The following FAM227B variants were observed in gnomAD, a reference collection of about 807,000 sequenced individuals.
The protein encoded by FAM227B is protein FAM227B.
In FAM227B, 88 loss-of-function variants were observed where a neutral mutation model predicts 73.8. The observed-to-expected ratio is 1.19, with a 90% CI of 1.00 to 1.42. The LOEUF is 1.42. Among genes scored for constraint, FAM227B ranks in the 40% most tolerant of loss-of-function variants. FAM227B has a pLI of 0.00. For missense variants in FAM227B, 632 were observed against 590.9 expected, an observed-to-expected ratio of 1.07 and a Z score of -0.72; for synonymous variants, 210 against 190.5, an observed-to-expected ratio of 1.10 and a Z score of -0.84.
chr15:49,465,656 TGGC>T (rs2054206390), intron 11 of FAM227B, among the ~76,000 whole-genome samples: 1 of 152,172 alleles, frequency 6.6e-6, no homozygotes, highest in African/African-American at 2.4e-5. Flanking sequence ...TTTTTTGAGT[TGGC>T]ATCATAAAAT....
At chr15:49,525,595 C>G (rs568890717) in intron 10 of FAM227B, among the ~76,000 whole-genome samples, 1 of 140,898 alleles carries the variant, frequency 7.1e-6, no homozygotes, top group African/African-American at 2.6e-5. Flanking sequence ...ACCAGTTCTA[C>G]AGGACCTGCC....
intron 11 of FAM227B, among the ~76,000 whole-genome samples, chr15:49,413,847 G>T (rs1435855627): frequency 6.6e-6 from 1 of 150,664 alleles, no homozygotes; most frequent in East Asian, 1.9e-4. Flanking sequence ...TTTTGCTCTT[G>T]TTACCTTTAT....
intron 11 of FAM227B, among the ~76,000 whole-genome samples, chr15:49,384,878 C>T (rs2046782942): frequency 6.6e-6 from 1 of 151,884 alleles, no homozygotes; most frequent in Admixed American, 6.6e-5. Flanking sequence ...TTGATTGGGA[C>T]ATTTATTGGA....
At chr15:49,386,874 T>TA (rs1443293543) in intron 11 of FAM227B, among the ~76,000 whole-genome samples, 1 of 151,842 alleles carries the variant, frequency 6.6e-6, no homozygotes, top group East Asian at 1.9e-4. Flanking sequence ...TGAACACCTT[T>TA]ATGTGCACAA....
chr15:49,593,881 C>G (rs1468149720), intron 3 of FAM227B, among the ~76,000 whole-genome samples: 2 of 152,170 alleles, frequency 1.3e-5, no homozygotes, highest in African/African-American at 4.8e-5. Flanking sequence ...AATTGTGCAG[C>G]TATAAACATG....
intron 11 of FAM227B, among the ~76,000 whole-genome samples, chr15:49,389,613 A>AC (rs2047083535): frequency 6.6e-6 from 1 of 151,904 alleles, no homozygotes; most frequent in African/African-American, 2.4e-5. Context: ...GTAAAAAAAA[A>AC]ACCATTGTAC....
chr15:49,578,307 C>T (rs965728478), intron 5 of FAM227B, among the ~76,000 whole-genome samples: 1 of 152,170 alleles, frequency 6.6e-6, no homozygotes, highest in African/African-American at 2.4e-5. Flanking sequence ...TAACAGCACT[C>T]TTAGGCCCTA....
intron 9 of FAM227B, among the ~76,000 whole-genome samples, chr15:49,561,666 A>T (rs1394340870): frequency 6.6e-6 from 1 of 152,176 alleles, no homozygotes; most frequent in African/African-American, 2.4e-5. Flanking sequence ...ACCACAGTGG[A>T]ATAACAACAC....
intron 14 of FAM227B, among the ~76,000 whole-genome samples, chr15:49,332,130 T>C (rs1596221244): frequency 6.9e-6 from 1 of 144,080 alleles, no homozygotes; most frequent in East Asian, 2.0e-4. Flanking sequence ...TCCACAACAG[T>C]CATACACTTA....
At chr15:49,414,664 G>A (rs2049093073) in intron 11 of FAM227B, among the ~76,000 whole-genome samples, 1 of 152,022 alleles carries the variant, frequency 6.6e-6, no homozygotes, top group Non-Finnish European at 1.5e-5. Context: ...ATACAAAGAG[G>A]TGGATTAGGA....
chr15:49,367,557 C>A lies in FAM227B; in HGVS notation c.1162G>T (p.Gly388Ter). ...PEFNRVLFNF[G>*]GQSPLILYYL... is the part of the protein sequence containing the mutation. Reference sequence around the variant, plus strand: ...TATAAAATCAATGGACTCTGACCTCCAAAATTGAAGAGAACACGATTAAAC... The same window carrying A: ...TATAAAATCAATGGACTCTGACCTCAAAAATTGAAGAGAACACGATTAAAC... Residue 388 changes from glycine to a stop codon, truncating the protein, a stop_gained, in exon 13 of 16, where the codon GGA becomes TGA. Coordinates refer to ENST00000299338, the MANE Select transcript of FAM227B (RefSeq NM_152647.3). LOFTEE classifies it high-confidence loss of function. 1 of 1,604,536 alleles carries A rather than the reference C, an allele frequency of 6.2e-7. No homozygotes were observed. The highest frequency in any genetic ancestry group is 8.5e-7 in the Non-Finnish European group (1 of 1,177,860).
chr15:49,406,653 G>A (rs1007135635), intron 11 of FAM227B, among the ~76,000 whole-genome samples: 12 of 151,996 alleles, frequency 7.9e-5, no homozygotes, highest in Non-Finnish European at 1.8e-4. Flanking sequence ...GGGGAGTGCC[G>A]TGGGGGAGCG....
At chr15:49,438,385 G>A (rs532641539) in intron 11 of FAM227B, among the ~76,000 whole-genome samples, 1 of 151,610 alleles carries the variant, frequency 6.6e-6, no homozygotes, top group South Asian at 2.1e-4. Flanking sequence ...AAATTAACTC[G>A]TGACAATGAA....
intron 10 of FAM227B, among the ~76,000 whole-genome samples, chr15:49,524,086 A>G (rs530773695): frequency 6.6e-6 from 1 of 152,356 alleles, no homozygotes; most frequent in South Asian, 2.1e-4. Context: ...GGAGAAATTC[A>G]AGGCAGCTGC....
Position 49,517,039 on chromosome 15 carries a change from T to A in FAM227B, c.875-8691A>T, listed in dbSNP as rs115980709. On this transcript the variant is annotated intron_variant, in intron 10 of 15. Coordinates refer to ENST00000299338, the MANE Select transcript of FAM227B (RefSeq NM_152647.3). ...CCCAAAAAGCCTCTAAAGGAACACA[T>A]CTCTGTCAATATCTTGATTTTACTC... is the stretch of plus-strand genomic sequence containing the variant. 2.7e-3 allele frequency among the ~76,000 whole-genome samples: 413 copies of A among 152,284 alleles called. 4 individuals carry two copies. Among genetic ancestry groups the A allele is most frequent in the African/African-American group, 9.6e-3 (398 of 41,566 alleles).
intron 11 of FAM227B, among the ~76,000 whole-genome samples, chr15:49,397,996 A>G (rs907056225): frequency 5.3e-5 from 8 of 152,208 alleles, no homozygotes; most frequent in African/African-American, 1.9e-4. Context: ...CACACATAAC[A>G]ACATTAACTT....
At chr15:49,577,375 C>A in intron 6 of FAM227B, 1 of 419,142 alleles carries the variant, frequency 2.4e-6, no homozygotes, top group African/African-American at 2.1e-5. Flanking sequence ...ATTCATATGT[C>A]ATATCTAAAA....
chr15:49,616,090 G>T (rs936508701), intron 1 of FAM227B, among the ~76,000 whole-genome samples: 2 of 152,130 alleles, frequency 1.3e-5, no homozygotes, highest in East Asian at 3.9e-4. Flanking sequence ...GAAATTATGG[G>T]GGAGTTTTAA....
chr15:49,561,239 A>C (rs1485547421), intron 9 of FAM227B, among the ~76,000 whole-genome samples: 3 of 152,212 alleles, frequency 2.0e-5, no homozygotes, highest in East Asian at 3.8e-4. Flanking sequence ...AAGATAAAAC[A>C]GACATTTAAC....
Sources: allele counts gnomAD v4.1 joint callset (sites outside exome capture counted in the v4.1 genomes callset), GRCh38; gene constraint gnomAD v4.1.1; transcripts MANE v1.5; gene names NCBI Gene and HGNC (gene_info 2026-07-23, HGNC 2026-07-21).